The following EPRS1 variants were observed in gnomAD, a reference collection of about 807,000 sequenced individuals.
EPRS1 encodes glutamyl-prolyl-tRNA synthetase 1.
In EPRS1, 107 loss-of-function variants were observed where a neutral mutation model predicts 188.3. That is an observed-to-expected ratio of 0.57 (90% CI 0.49 to 0.67). The LOEUF (loss-of-function observed/expected upper bound fraction) is 0.67, where lower values mean the gene tolerates loss of function less well. Ranked by LOEUF, EPRS1 falls within the 30% of genes least tolerant of loss-of-function variation. EPRS1 has a pLI of 0.00. For synonymous variants in EPRS1, 596 were observed against 593.1 expected (o/e 1.00, Z -0.07); for missense variants, 1,577 against 1,802.2 (o/e 0.88, Z 2.26).
intron 5 of EPRS1, among the ~76,000 whole-genome samples, chr1:220,031,851 T>C (rs1662089886): frequency 6.6e-6 from 1 of 152,186 alleles, no homozygotes. Context: ...GTTTTATTTA[T>C]ATGGAGTTTG....
chr1:220,041,488 A>G (rs1310993145), intron 1 of EPRS1, among the ~76,000 whole-genome samples: 1 of 152,218 alleles, frequency 6.6e-6, no homozygotes, highest in African/African-American at 2.4e-5. Flanking sequence ...ACTCTAAAAC[A>G]GTGTAAAATG....
Position 220,007,354 on chromosome 1 carries a change from A to G in EPRS1, c.1606-16T>C. On this transcript the variant is annotated splice_polypyrimidine_tract_variant and intron_variant, in intron 13 of 31. Transcript: ENST00000366923. ...CCTCAGGATTCTGATTGATAAAGAAAAGCAGAGTGTCTGTTGAAACAACAA... is the reference window on the plus strand; with the variant it reads ...CCTCAGGATTCTGATTGATAAAGAAGAGCAGAGTGTCTGTTGAAACAACAA... 1 of 1,601,810 alleles carries G rather than the reference A, an allele frequency of 6.2e-7. No homozygotes were observed. The highest frequency in any genetic ancestry group is 8.5e-7 in the Non-Finnish European group (1 of 1,176,378).
At chr1:220,045,692 A>G (rs1662388728) in intron 1 of EPRS1, among the ~76,000 whole-genome samples, 1 of 152,184 alleles carries the variant, frequency 6.6e-6, no homozygotes. Flanking sequence ...AATTTACTAC[A>G]CATCCACAGG....
chr1:219,999,334 G>C (rs971027741), intron 17 of EPRS1, among the ~76,000 whole-genome samples: 2 of 152,108 alleles, frequency 1.3e-5, no homozygotes, highest in Admixed American at 6.6e-5. Flanking sequence ...AAAGTGTGCA[G>C]GTTTCAAAGC....
intron 19 of EPRS1, 133 bp from the exon 20 acceptor site, chr1:219,987,537 G>A: frequency 1.4e-6 from 1 of 734,532 alleles, no homozygotes; most frequent in East Asian, 2.7e-5. Context: ...TGCCCAGGTG[G>A]TGATAAGGTT....
chr1:220,010,813 A>AC, intron 13 of EPRS1, 133 bp downstream of exon 13: 1 of 211,190 alleles, frequency 4.7e-6, no homozygotes, highest in African/African-American at 6.0e-5. Flanking sequence ...CGTCTCAAAA[A>AC]AAAAAAAAAA....
At chr1:220,041,532 T>C (rs1662294391) in intron 1 of EPRS1, among the ~76,000 whole-genome samples, 3 of 152,078 alleles carry the variant, frequency 2.0e-5, no homozygotes, top group Admixed American at 2.0e-4. Context: ...ATTAATCCTC[T>C]GTCCCTTAAT....
chr1:220,017,223 T>C (rs1661737723), intron 12 of EPRS1, among the ~76,000 whole-genome samples: 1 of 151,844 alleles, frequency 6.6e-6, no homozygotes, highest in Non-Finnish European at 1.5e-5. Flanking sequence ...AAAAAAGAAA[T>C]ATAAGTAATA....
intron 15 of EPRS1, among the ~76,000 whole-genome samples, chr1:220,005,628 T>G (rs1558052486): frequency 1.3e-5 from 2 of 152,168 alleles, no homozygotes; most frequent in Admixed American, 6.6e-5. Context: ...ATTTCCCTGC[T>G]ATAAATATGA....
chr1:219,980,546 A>G (rs1660875398), intron 25 of EPRS1, among the ~76,000 whole-genome samples: 1 of 152,224 alleles, frequency 6.6e-6, no homozygotes, highest in South Asian at 2.1e-4. Context: ...TTTTCTACAC[A>G]TTAAAGTCCA....
intron 1 of EPRS1, among the ~76,000 whole-genome samples, chr1:220,041,938 A>C (rs567685608): frequency 2.3e-4 from 35 of 152,352 alleles, no homozygotes; most frequent in South Asian, 2.1e-3. Flanking sequence ...AATAAACCTG[A>C]AAAATCTTAT....
intron 13 of EPRS1, 135 bp downstream of exon 13, chr1:220,010,808 CAAA>C (rs34170326): frequency 1.5e-3 from 598 of 409,056 alleles, no homozygotes; most frequent in East Asian, 2.5e-3. Context: ...GACTACGTCT[CAAA>C]AAAAAAAAAA....
intron 22 of EPRS1, 76 bp downstream of exon 22, chr1:219,983,113 G>T: frequency 3.3e-6 from 4 of 1,209,202 alleles, no homozygotes; most frequent in Non-Finnish European, 3.5e-6. Context: ...TTTCAAAATT[G>T]GTTGTTAAAA....
chr1:219,989,123 T>C lies in EPRS1; in HGVS notation c.2542-300A>G, dbSNP rs1661070408. Among the ~76,000 whole-genome samples, 4 of 152,250 alleles carry C rather than the reference T, an allele frequency of 2.6e-5. No individual in the cohort carries two copies. The South Asian group carries it at 8.3e-4, about 32-fold the overall frequency. On this transcript the variant is annotated intron_variant, in intron 18 of 31. Coordinates refer to ENST00000366923, the MANE Select transcript of EPRS1 (RefSeq NM_004446.3). Reference sequence around the variant, plus strand: ...CTGTCAGTGTCAAGACCTAGGTCTATAAATAGTGAAGTCAGAATTTACAAA... The same window carrying C: ...CTGTCAGTGTCAAGACCTAGGTCTACAAATAGTGAAGTCAGAATTTACAAA...
rs146290634 is a variant in EPRS1, at chr1:220,005,512, G to C, written c.1951-152C>G. On this transcript the variant is annotated intron_variant, in intron 15 of 31. Transcript: ENST00000366923. ...ACTTGAGGACACACAATGAAACGGT[G>C]AAGTGTTAAATGACAATTCAATTTA... 254 of 471,274 alleles carry C rather than the reference G, an allele frequency of 5.4e-4. No individual in the cohort carries two copies. In the East Asian group the frequency reaches 8.7e-3, roughly 16 times the overall value. 29.2% of individuals were successfully genotyped at this position (471,274 alleles called of 1,614,324 possible).
chr1:220,027,485 G>C (rs147670086), intron 6 of EPRS1, among the ~76,000 whole-genome samples: 1 of 150,584 alleles, frequency 6.6e-6, no homozygotes, highest in South Asian at 2.1e-4. Context: ...CCAACTACTC[G>C]GGAGGATGAG....
chr1:219,988,406 C>T (rs1661052443), intron 19 of EPRS1, among the ~76,000 whole-genome samples, 184 bp downstream of exon 19: 1 of 151,770 alleles, frequency 6.6e-6, no homozygotes, highest in African/African-American at 2.4e-5. Flanking sequence ...ATGAAAACAT[C>T]CAATCAAATC....
intron 30 of EPRS1, among the ~76,000 whole-genome samples, chr1:219,970,459 C>T (rs911750923): frequency 4.6e-5 from 7 of 152,062 alleles, no homozygotes; most frequent in Non-Finnish European, 8.8e-5. Context: ...CAGATGGCTA[C>T]CCACTGTCTA....
chr1:219,993,549 GAA>G (rs1661164948), intron 18 of EPRS1, among the ~76,000 whole-genome samples: 1 of 152,178 alleles, frequency 6.6e-6, no homozygotes, highest in Non-Finnish European at 1.5e-5. Flanking sequence ...AACAGAGCAA[GAA>G]AAGTCTAGTT....
Sources: allele counts gnomAD v4.1 joint callset (sites outside exome capture counted in the v4.1 genomes callset), GRCh38; gene constraint gnomAD v4.1.1; transcripts MANE v1.5; gene names NCBI Gene and HGNC (gene_info 2026-07-23, HGNC 2026-07-21).